Variants in CNTNAP5 observed in about 807,000 individuals in gnomAD.
CNTNAP5 encodes contactin-associated protein-like 5.
Under a neutral mutation model 150.2 loss-of-function variants are expected in CNTNAP5, and 72 were observed. The ratio of observed to expected loss-of-function variants is 0.48; its 90% CI spans 0.40 to 0.58. The LOEUF (loss-of-function observed/expected upper bound fraction) is 0.58, where lower values mean the gene tolerates loss of function less well. Ranked by LOEUF, CNTNAP5 falls within the 20% of genes least tolerant of loss-of-function variation. The pLI is 0.00. For missense variants in CNTNAP5, 1,636 were observed against 1,626.2 expected (o/e 1.01, Z -0.10); for synonymous variants, 672 against 619.8 (o/e 1.08, Z -1.25).
Position 124,711,989 on chromosome 2 carries a change from G to T in CNTNAP5, c.2078-35240G>T, listed in dbSNP as rs192851170. Among the ~76,000 whole-genome samples, 27 of 152,216 alleles carry T rather than the reference G, an allele frequency of 1.8e-4. 1 individual carries two copies. In the East Asian group the frequency reaches 5.2e-3, roughly 29 times the overall value. On this transcript the variant is annotated intron_variant, in intron 13 of 23. Coordinates refer to ENST00000682447, the MANE Select transcript of CNTNAP5 (RefSeq NM_001367498.1). ...AGAAGATCCAGCATCTCAACAGAAA[G>T]AATTACATCCATTAGCAGAAGGAAG...
chr2:124,490,340 A>C (rs566442149), intron 7 of CNTNAP5, among the ~76,000 whole-genome samples: 1 of 149,702 alleles, frequency 6.7e-6, no homozygotes, highest in Non-Finnish European at 1.5e-5. Context: ...CATTTCAGAA[A>C]AAAAAAAGAA....
intron 13 of CNTNAP5, among the ~76,000 whole-genome samples, chr2:124,685,195 T>C (rs1322645201): frequency 3.3e-5 from 5 of 152,178 alleles, no homozygotes; most frequent in Non-Finnish European, 7.4e-5. Context: ...ATACTTCTTG[T>C]AATTCTGACT....
intron 6 of CNTNAP5, among the ~76,000 whole-genome samples, chr2:124,458,787 A>G (rs544575661): frequency 6.6e-6 from 1 of 152,356 alleles, no homozygotes; most frequent in African/African-American, 2.4e-5. Flanking sequence ...AAGAAAATGA[A>G]CACATAAAAA....
At chr2:124,295,145 C>A (rs567667410) in intron 3 of CNTNAP5, among the ~76,000 whole-genome samples, 1 of 151,474 alleles carries the variant, frequency 6.6e-6, no homozygotes, top group Admixed American at 6.6e-5. Context: ...AACAAACAAA[C>A]AAACAAACAG....
chr2:124,506,186 T>C (rs1558931558), intron 8 of CNTNAP5, among the ~76,000 whole-genome samples: 1 of 100,140 alleles, frequency 1.0e-5, no homozygotes, highest in African/African-American at 4.4e-5. Context: ...AAGCAGACTT[T>C]TAAAGAAAAA....
chr2:124,631,507 A>G (rs984196400), intron 12 of CNTNAP5, among the ~76,000 whole-genome samples: 3 of 152,174 alleles, frequency 2.0e-5, no homozygotes, highest in Non-Finnish European at 4.4e-5. Context: ...TGCTGGGAGA[A>G]CTGGCTAGCC....
At chr2:124,040,846 AT>A (rs1232454933) in intron 1 of CNTNAP5, among the ~76,000 whole-genome samples, 1 of 152,156 alleles carries the variant, frequency 6.6e-6, no homozygotes, top group African/African-American at 2.4e-5. Context: ...CAACCTTAAA[AT>A]AAGGCATTTA....
chr2:124,099,756 C>T (rs1474944991), intron 1 of CNTNAP5, among the ~76,000 whole-genome samples: 1 of 152,114 alleles, frequency 6.6e-6, no homozygotes, highest in African/African-American at 2.4e-5. Context: ...GAGGGGCAGG[C>T]ACCTTACGTG....
At chr2:124,330,473 G>T (rs1278128796) in intron 3 of CNTNAP5, among the ~76,000 whole-genome samples, 4 of 152,122 alleles carry the variant, frequency 2.6e-5, no homozygotes, top group Middle Eastern at 3.2e-3. Flanking sequence ...AGTCATGGGG[G>T]TGGTTTCCCC....
chr2:124,644,312 A>G (rs1678159511), intron 12 of CNTNAP5, among the ~76,000 whole-genome samples: 1 of 152,014 alleles, frequency 6.6e-6, no homozygotes, highest in Admixed American at 6.5e-5. Flanking sequence ...CTGACCTTTC[A>G]ATATTTAGTC....
chr2:124,761,559 C>A (rs924166127), intron 14 of CNTNAP5, among the ~76,000 whole-genome samples: 2 of 152,070 alleles, frequency 1.3e-5, no homozygotes, highest in African/African-American at 4.8e-5. Context: ...GTACTACAGG[C>A]CTGTTTTAGT....
intron 11 of CNTNAP5, among the ~76,000 whole-genome samples, chr2:124,567,866 T>TAGATAGATAGATAG (rs1696065491): frequency 1.4e-5 from 2 of 138,422 alleles, no homozygotes; most frequent in Non-Finnish European, 1.5e-5. Context: ...GATAGATAGA[T>TAGATAGATAGATAG]AGATAGATAG....
At chr2:124,658,075 T>A (rs879869486) in intron 13 of CNTNAP5, among the ~76,000 whole-genome samples, 1 of 152,176 alleles carries the variant, frequency 6.6e-6, no homozygotes, top group Non-Finnish European at 1.5e-5. Flanking sequence ...TAGGGACAAT[T>A]GAGTGAATAG....
chr2:124,393,394 A>G (rs1344297689), intron 3 of CNTNAP5, among the ~76,000 whole-genome samples: 1 of 152,102 alleles, frequency 6.6e-6, no homozygotes, highest in African/African-American at 2.4e-5. Flanking sequence ...ATCAGAATAG[A>G]CTTCTCCAGT....
chr2:124,226,629 T>C (rs1686466377), intron 2 of CNTNAP5, among the ~76,000 whole-genome samples: 2 of 152,186 alleles, frequency 1.3e-5, no homozygotes, highest in African/African-American at 2.4e-5. Context: ...TTGCTCATTT[T>C]TGTCTTTGTT....
At chr2:124,246,422 G>A (rs1027696799) in intron 3 of CNTNAP5, among the ~76,000 whole-genome samples, 1 of 152,114 alleles carries the variant, frequency 6.6e-6, no homozygotes, top group Non-Finnish European at 1.5e-5. Context: ...AGGCATGAAG[G>A]TGTGTCAGGG....
chr2:124,535,681 G>A (rs112202703), intron 10 of CNTNAP5, among the ~76,000 whole-genome samples: 367 of 152,102 alleles, frequency 2.4e-3, no homozygotes, highest in African/African-American at 8.5e-3. Context: ...GGAGGCTGAG[G>A]CATGAGAATC....
chr2:124,641,278 G>T (rs1157079109), intron 12 of CNTNAP5, among the ~76,000 whole-genome samples: 1 of 152,096 alleles, frequency 6.6e-6, no homozygotes, highest in Non-Finnish European at 1.5e-5. Context: ...GGAGACTGAG[G>T]CTGGGGGAGG....
intron 1 of CNTNAP5, among the ~76,000 whole-genome samples, chr2:124,131,060 G>A (rs1174343044): frequency 6.6e-6 from 1 of 151,984 alleles, no homozygotes; most frequent in African/African-American, 2.4e-5. Context: ...TAAACATTAG[G>A]GCAATCTAGT....
Sources: gnomAD v4.1 joint callset for allele counts (sites outside exome capture counted in the v4.1 genomes callset) on GRCh38, gnomAD v4.1.1 for gene constraint, MANE v1.5 for transcripts, NCBI Gene and HGNC (gene_info 2026-07-23, HGNC 2026-07-21) for gene names.